The following FYB1 variants were observed in gnomAD, a reference collection of about 807,000 sequenced individuals.
The protein encoded by FYB1 is FYN-binding protein 1.
Under a neutral mutation model 94.1 loss-of-function variants are expected in FYB1, and 41 were observed. The ratio of observed to expected loss-of-function variants is 0.44; its 90% confidence interval spans 0.34 to 0.57. FYB1 has a LOEUF of 0.57. Ranked by LOEUF, FYB1 falls within the 20% of genes least tolerant of loss-of-function variation. The probability of loss-of-function intolerance (pLI) is 0.02; values close to 1 mark genes in which losing one functional copy is unlikely to be tolerated. For missense variants in FYB1, 1,050 were observed against 976.8 expected (o/e 1.07, Z -1.00); for synonymous variants, 367 against 353.2 (o/e 1.04, Z -0.44).
chr5:39,143,403 T>C (rs1037532868), intron 3 of FYB1, among the ~76,000 whole-genome samples: 1 of 147,680 alleles, frequency 6.8e-6, no homozygotes, highest in Admixed American at 6.6e-5. Context: ...TACTTCCCTC[T>C]TCCATTTCTC....
intron 1 of FYB1, among the ~76,000 whole-genome samples, chr5:39,208,672 C>T (rs1749073512): frequency 6.6e-6 from 1 of 152,170 alleles, no homozygotes; most frequent in Non-Finnish European, 1.5e-5. Flanking sequence ...AGCCAGCCCT[C>T]GTCCTGCCTA....
chr5:39,170,477 T>C, intron 2 of FYB1: 1 of 333,570 alleles, frequency 3.0e-6, no homozygotes, highest in Non-Finnish European at 5.6e-6. Flanking sequence ...TTTTTTCTGA[T>C]TCCCTACATC....
chr5:39,187,296 G>A (rs189287848), intron 2 of FYB1, among the ~76,000 whole-genome samples: 3 of 152,274 alleles, frequency 2.0e-5, no homozygotes, highest in African/African-American at 7.2e-5. Flanking sequence ...AAACTTGAGA[G>A]TGTTTTTCTT....
At chr5:39,247,047 T>C (rs1196629417) in intron 1 of FYB1, among the ~76,000 whole-genome samples, 1 of 136,522 alleles carries the variant, frequency 7.3e-6, no homozygotes, top group African/African-American at 2.7e-5. Context: ...CATAAGATAA[T>C]GGTGCACACA....
intron 1 of FYB1, among the ~76,000 whole-genome samples, chr5:39,225,246 A>G (rs1264027695): frequency 1.3e-5 from 2 of 152,174 alleles, no homozygotes; most frequent in African/African-American, 4.8e-5. Flanking sequence ...ATATGTGTGT[A>G]TGGTGTGTAT....
At position 39,129,964 on chromosome 5, in the gene FYB1, G is replaced by A. The variant is rs185886429; in HGVS notation, c.1840+626C>T. On this transcript the variant is annotated intron_variant, in intron 10 of 18. Transcript: ENST00000512982. ...CAAATGGATATTTGCATCCCCAAGT[G>A]TATTGCAGCACTATTCACAGTAGCA... is the stretch of plus-strand genomic sequence containing the variant. 1.1e-4 allele frequency among the ~76,000 whole-genome samples: 17 copies of A among 152,024 alleles called. No homozygotes were observed. In the East Asian group the frequency reaches 3.3e-3, roughly 29 times the overall value.
intron 10 of FYB1, among the ~76,000 whole-genome samples, chr5:39,129,737 A>G (rs1305819508): frequency 6.6e-6 from 1 of 151,852 alleles, no homozygotes; most frequent in Non-Finnish European, 1.5e-5. Context: ...ATCTTACCCC[A>G]GTTAGAATGG....
chr5:39,178,954 C>T (rs1219065724), intron 2 of FYB1, among the ~76,000 whole-genome samples: 1 of 152,200 alleles, frequency 6.6e-6, no homozygotes, highest in Non-Finnish European at 1.5e-5. Context: ...CTAGCCCTGG[C>T]TTTCCGCGGG....
chr5:39,235,620 T>C (rs1286086800), intron 1 of FYB1, among the ~76,000 whole-genome samples: 1 of 151,774 alleles, frequency 6.6e-6, no homozygotes, highest in Non-Finnish European at 1.5e-5. Flanking sequence ...AGTAGATATA[T>C]AGGAGCTGCC....
intron 1 of FYB1, among the ~76,000 whole-genome samples, chr5:39,206,338 G>A (rs924188055): frequency 2.0e-5 from 3 of 152,160 alleles, no homozygotes; most frequent in Non-Finnish European, 4.4e-5. Context: ...AATAAGTTTA[G>A]TAGATAAAAT....
chr5:39,236,364 A>G (rs1459615994), intron 1 of FYB1, among the ~76,000 whole-genome samples: 1 of 152,126 alleles, frequency 6.6e-6, no homozygotes, highest in African/African-American at 2.4e-5. Flanking sequence ...ACTTATGAAT[A>G]GGAAAATAAG....
intron 2 of FYB1, among the ~76,000 whole-genome samples, chr5:39,184,855 A>G (rs1451426272): frequency 6.6e-6 from 1 of 152,044 alleles, no homozygotes; most frequent in Admixed American, 6.6e-5. Flanking sequence ...ATGATGCACA[A>G]CCTGTTCTAA....
At position 39,180,048 on chromosome 5, in the gene FYB1, T is replaced by A. The variant is rs79194837; in HGVS notation, c.1135+21778A>T. Among the ~76,000 whole-genome samples the A allele has an allele frequency of 3.3e-5, 5 of 152,258 alleles. No individual in the cohort carries two copies. The East Asian group carries it at 9.7e-4, about 29-fold the overall frequency. On this transcript the variant is annotated intron_variant, in intron 2 of 18. Coordinates refer to ENST00000512982, the MANE Select transcript of FYB1 (RefSeq NM_001465.6). ...ATGTAAGTGCCCATTTTTCTGACCA[T>A]GACTCCTATTAGAAGGTAAACTTCA...
At chr5:39,110,269 C>T (rs1190799536) in intron 17 of FYB1, 87 bp downstream of exon 17, 1 of 735,646 alleles carries the variant, frequency 1.4e-6, no homozygotes, top group African/African-American at 1.8e-5. Flanking sequence ...GAGTAGGTTA[C>T]ATTATTTAAG....
chr5:39,199,670 T>G (rs1748146578), intron 2 of FYB1, among the ~76,000 whole-genome samples: 4 of 152,166 alleles, frequency 2.6e-5, no homozygotes, highest in Admixed American at 2.6e-4. Flanking sequence ...GTATTTATGT[T>G]CATATTTGCT....
At chr5:39,141,172 T>C (rs752625885) in intron 3 of FYB1, 31 bp from the exon 4 acceptor site, 15 of 1,469,344 alleles carry the variant, frequency 1.0e-5, no homozygotes, top group South Asian at 8.4e-5. Context: ...ACAGTGAACA[T>C]GGAACAAGTA....
chr5:39,168,665 C>T (rs560987287), intron 2 of FYB1, among the ~76,000 whole-genome samples: 64 of 152,154 alleles, frequency 4.2e-4, no homozygotes, highest in African/African-American at 1.3e-3. Context: ...TAAATCTTGT[C>T]ACTATATTAT....
Position 39,134,989 on chromosome 5 carries a change from T to C in FYB1, c.1541A>G (p.His514Arg), listed in dbSNP as rs765243911. Reference protein sequence around the residue: ...FKLTGPIQVIHLAKACCDVKG... With the variant: ...FKLTGPIQVIRLAKACCDVKG... ...GACATCACAACAAGCTTTTGCAAGA[T>C]GGATGACTTGAATAGGGCCTGTTAG... Residue 514 changes from histidine (H) to arginine (R), a missense_variant, in exon 8 of 19, where the codon CAT becomes CGT. Transcript: ENST00000512982. 6.2e-6 allele frequency: 10 copies of C among 1,613,902 alleles called. No homozygotes were observed. Among genetic ancestry groups the C allele is most frequent in the Non-Finnish European group, 6.8e-6 (8 of 1,179,864 alleles).
chr5:39,115,047 A>C (rs555061612), intron 16 of FYB1, among the ~76,000 whole-genome samples: 1 of 152,122 alleles, frequency 6.6e-6, no homozygotes, highest in African/African-American at 2.4e-5. Flanking sequence ...TTAATAGAGA[A>C]TCATGGGCAT....
Sources: gnomAD v4.1 joint callset for allele counts (sites outside exome capture counted in the v4.1 genomes callset) on GRCh38, gnomAD v4.1.1 for gene constraint, MANE v1.5 for transcripts, NCBI Gene and HGNC (gene_info 2026-07-23, HGNC 2026-07-21) for gene names.